The following AIG1 variants were observed in gnomAD, a reference collection of about 807,000 sequenced individuals.
AIG1 encodes the protein androgen induced 1, also known as androgen-induced gene 1 protein.
AIG1 carries 23 observed loss-of-function variants against 31.4 expected under a neutral mutation model. The ratio of observed to expected loss-of-function variants is 0.73; its 90% CI spans 0.53 to 1.04. The LOEUF is 1.04. Among genes scored for constraint, AIG1 ranks in the 50% least tolerant of loss-of-function variants. AIG1 has a pLI of 0.00. For missense variants in AIG1, 274 were observed against 295.0 expected (o/e 0.93, Z 0.52); for synonymous variants, 100 against 110.5 (o/e 0.90, Z 0.60).
intron 3 of AIG1, among the ~76,000 whole-genome samples, chr6:143,214,389 G>A (rs548793352): frequency 4.6e-5 from 7 of 152,344 alleles, no homozygotes; most frequent in Non-Finnish European, 7.3e-5. Flanking sequence ...TCTTCTGTAA[G>A]ATGGAGCTTC....
chr6:143,235,393 T>G (rs1793734875), intron 3 of AIG1, among the ~76,000 whole-genome samples: 1 of 152,228 alleles, frequency 6.6e-6, no homozygotes, highest in Admixed American at 6.5e-5. Context: ...ACCTTTTCGC[T>G]TTGTGGCATG....
intron 3 of AIG1, among the ~76,000 whole-genome samples, chr6:143,202,696 G>A (rs567797032): frequency 6.6e-6 from 1 of 152,190 alleles, no homozygotes; most frequent in African/African-American, 2.4e-5. Context: ...TCGTGCCCCT[G>A]GAATGGGAGA....
intron 1 of AIG1, among the ~76,000 whole-genome samples, chr6:143,098,513 T>C (rs1779986351): frequency 6.6e-6 from 1 of 152,206 alleles, no homozygotes; most frequent in Admixed American, 6.5e-5. Context: ...CCCCTTATAG[T>C]CTACATTCAC....
At chr6:143,199,871 G>A (rs983868478) in intron 3 of AIG1, among the ~76,000 whole-genome samples, 2 of 152,122 alleles carry the variant, frequency 1.3e-5, no homozygotes, top group African/African-American at 4.8e-5. Context: ...CAAATTAGAA[G>A]GATCAGGAAG....
chr6:143,290,326 C>T (rs1354605779), intron 4 of AIG1, among the ~76,000 whole-genome samples: 1 of 152,206 alleles, frequency 6.6e-6, no homozygotes, highest in Non-Finnish European at 1.5e-5. Flanking sequence ...GACCCTTTGA[C>T]CTGGTGTGTT....
chr6:143,136,395 A>T (rs1783752476), intron 1 of AIG1, among the ~76,000 whole-genome samples: 1 of 152,232 alleles, frequency 6.6e-6, no homozygotes, highest in Non-Finnish European at 1.5e-5. Flanking sequence ...TTATTCAGAC[A>T]GTCCTCACCC....
At chr6:143,062,897 C>G (rs1485572327) in intron 1 of AIG1, among the ~76,000 whole-genome samples, 2 of 152,174 alleles carry the variant, frequency 1.3e-5, no homozygotes, top group African/African-American at 2.4e-5. Flanking sequence ...TTGAATGTTG[C>G]TAAAGAGCAG....
intron 1 of AIG1, among the ~76,000 whole-genome samples, chr6:143,069,306 C>T (rs969571675): frequency 9.2e-5 from 14 of 152,278 alleles, no homozygotes; most frequent in Non-Finnish European, 1.6e-4. Flanking sequence ...CATGAGCCAC[C>T]GCGCGCGGCC....
rs562462505 is a variant in AIG1 at position 143,332,514 on chromosome 6, A to G, written c.516-768A>G. Among the ~76,000 whole-genome samples, 15 of 152,364 alleles carry G rather than the reference A, an allele frequency of 9.8e-5. 1 individual carries two copies. In the South Asian group the frequency reaches 3.1e-3, roughly 32 times the overall value. ...GTAAGAATGTAAAATAGGAAAAAAA[A>G]TGAAATCAATGTCACATCTGAAGAT... On this transcript the variant is annotated intron_variant, in intron 4 of 5. Coordinates refer to ENST00000357847, the MANE Select transcript of AIG1 (RefSeq NM_016108.4).
intron 4 of AIG1, among the ~76,000 whole-genome samples, chr6:143,311,422 A>G (rs1047582032): frequency 1.3e-5 from 2 of 151,958 alleles, no homozygotes; most frequent in African/African-American, 4.8e-5. Context: ...AATATTGTGT[A>G]TCAATTTAAA....
chr6:143,092,189 T>C (rs1428871938), intron 1 of AIG1, among the ~76,000 whole-genome samples: 1 of 152,134 alleles, frequency 6.6e-6, no homozygotes, highest in African/African-American at 2.4e-5. Flanking sequence ...ACTGCAGCCT[T>C]GACCTCCTGG....
intron 2 of AIG1, among the ~76,000 whole-genome samples, chr6:143,156,265 A>C (rs1161816114): frequency 6.6e-6 from 1 of 152,246 alleles, no homozygotes; most frequent in African/African-American, 2.4e-5. Context: ...TGTATCCGTT[A>C]GTGAGTACTT....
At chr6:143,061,786 G>A (rs893001345) in intron 1 of AIG1, among the ~76,000 whole-genome samples, 1 of 152,182 alleles carries the variant, frequency 6.6e-6, no homozygotes, top group African/African-American at 2.4e-5. Context: ...ACAGGTGCAG[G>A]TTATTATTAG....
chr6:143,302,677 A>G (rs1208741976), intron 4 of AIG1, among the ~76,000 whole-genome samples: 2 of 152,202 alleles, frequency 1.3e-5, no homozygotes, highest in Admixed American at 6.5e-5. Flanking sequence ...TAGTGCCGCA[A>G]TAAACATACG....
intron 3 of AIG1, among the ~76,000 whole-genome samples, chr6:143,182,892 C>T (rs1040156117): frequency 2.6e-5 from 4 of 152,220 alleles, no homozygotes; most frequent in Non-Finnish European, 5.9e-5. Flanking sequence ...TAATAGTTGA[C>T]AGAGAATACA....
intron 3 of AIG1, among the ~76,000 whole-genome samples, chr6:143,246,705 C>T (rs1794647008): frequency 6.6e-6 from 1 of 152,174 alleles, no homozygotes. Flanking sequence ...GTGTAATGTT[C>T]TGTGTGTTTT....
chr6:143,077,048 A>G (rs1777976178), intron 1 of AIG1, among the ~76,000 whole-genome samples: 2 of 152,136 alleles, frequency 1.3e-5, no homozygotes, highest in African/African-American at 2.4e-5. Flanking sequence ...TTGTTTTTCT[A>G]GTGATTACCA....
intron 4 of AIG1, among the ~76,000 whole-genome samples, chr6:143,306,477 A>T (rs1799322270): frequency 6.6e-6 from 1 of 152,082 alleles, no homozygotes; most frequent in South Asian, 2.1e-4. Flanking sequence ...TTTTGCCTTC[A>T]CTTATGAAGC....
rs1198843724 is a variant in AIG1, at chr6:143,325,300, GGCCC to G, written c.516-7981_516-7978del. Among the ~76,000 whole-genome samples, 1,233 of 152,106 alleles carry G rather than the reference GGCCC, an allele frequency of 8.1e-3. 7 individuals are homozygous for G. The highest frequency in any genetic ancestry group is 0.029 in the African/African-American group (1,184 of 41,480). On this transcript the variant is annotated intron_variant, in intron 4 of 5. Transcript: ENST00000357847. The surrounding 1 kb of genome is among the most constrained non-coding windows in gnomAD (Gnocchi z 4.3). ...TAACCTTTTCCAAGGCCCTTTCATG[GGCCC>G]ACTTCCTTCAGACCCTGTACTCTTC...
Sources: allele counts gnomAD v4.1 joint callset (sites outside exome capture counted in the v4.1 genomes callset), GRCh38; gene constraint gnomAD v4.1.1; non-coding constraint Gnocchi (gnomAD v3.1); transcripts MANE v1.5; gene names NCBI Gene and HGNC (gene_info 2026-07-23, HGNC 2026-07-21).